NTM: variants seen among roughly 807,000 people sequenced by gnomAD.
NTM encodes the protein IgLON family member 2.
Under a neutral mutation model 42.1 loss-of-function variants are expected in NTM, and 13 were observed. That is an observed-to-expected ratio of 0.31 (90% CI 0.20 to 0.49). The LOEUF (loss-of-function observed/expected upper bound fraction) is 0.49. Ranked by LOEUF, NTM falls within the 20% of genes least tolerant of loss-of-function variation. The pLI is 0.99. For missense variants in NTM, 373 were observed against 452.8 expected (o/e 0.82, Z 1.60); for synonymous variants, 187 against 179.2 (o/e 1.04, Z -0.35).
chr11:132,280,456 A>G (rs1313721157), intron 4 of NTM, among the ~76,000 whole-genome samples: 1 of 140,886 alleles, frequency 7.1e-6, no homozygotes, highest in Non-Finnish European at 1.5e-5. Context: ...GCCTCACCAC[A>G]CTGTCCTGAT....
chr11:132,012,665 T>C (rs1382815287), intron 2 of NTM, among the ~76,000 whole-genome samples: 1 of 152,228 alleles, frequency 6.6e-6, no homozygotes, highest in African/African-American at 2.4e-5. Flanking sequence ...TTAATTCCTC[T>C]TCTCTTGATT....
At chr11:131,523,303 C>T (rs1445234296) in intron 1 of NTM, among the ~76,000 whole-genome samples, 3 of 152,192 alleles carry the variant, frequency 2.0e-5, no homozygotes, top group Admixed American at 6.5e-5. Flanking sequence ...TCGAGAATGG[C>T]TTCCCAAAAG....
chr11:132,139,199 A>G (rs1460782173), intron 2 of NTM, among the ~76,000 whole-genome samples: 1 of 152,194 alleles, frequency 6.6e-6, no homozygotes, highest in African/African-American at 2.4e-5. Flanking sequence ...TTGGTCACCT[A>G]GGGGAAAAAG....
chr11:131,795,696 C>T (rs1023464558), intron 1 of NTM: 1 of 985,236 alleles, frequency 1.0e-6, no homozygotes, highest in Non-Finnish European at 1.2e-6. Context: ...ATATTTACGG[C>T]ATTTTCTTTC....
At chr11:131,707,921 A>G (rs2076747478) in intron 1 of NTM, among the ~76,000 whole-genome samples, 2 of 152,162 alleles carry the variant, frequency 1.3e-5, no homozygotes, top group Non-Finnish European at 2.9e-5. Flanking sequence ...TAGACAGAGC[A>G]ATTAGGCAAG....
intron 1 of NTM, among the ~76,000 whole-genome samples, chr11:131,892,067 AG>A (rs1428157628): frequency 2.6e-5 from 4 of 152,128 alleles, no homozygotes; most frequent in African/African-American, 7.2e-5. Context: ...TTTGAAACCA[AG>A]GTCTTCCACA....
intron 4 of NTM, among the ~76,000 whole-genome samples, chr11:132,216,142 G>A (rs2083811864): frequency 6.6e-6 from 1 of 152,152 alleles, no homozygotes; most frequent in South Asian, 2.1e-4. Flanking sequence ...ATAGAAAAAC[G>A]TTCATGCTGT....
At position 131,967,181 on chromosome 11, in the gene NTM, T is replaced by C. The variant is rs1593249683; in HGVS notation, c.167+55533T>C. Reference sequence around the variant, plus strand: ...TATAAAAGAGGCTGGCACGGAAGAGTGATGTCTTGTAGGAGATTTACACTG... The same window carrying C: ...TATAAAAGAGGCTGGCACGGAAGAGCGATGTCTTGTAGGAGATTTACACTG... On this transcript the variant is annotated intron_variant, in intron 2 of 8. Coordinates refer to ENST00000683400, the MANE Select transcript of NTM (RefSeq NM_001352005.2). 2.6e-5 allele frequency among the ~76,000 whole-genome samples: 4 copies of C among 151,640 alleles called. 1 individual carries two copies. The South Asian group carries it at 8.4e-4, about 32-fold the overall frequency.
In NTM at chr11:131,648,130, T is replaced by G. The variant is rs371723081; in HGVS notation, c.83-263434T>G. On this transcript the variant is annotated intron_variant, in intron 1 of 8. Transcript: ENST00000683400. ...GGTATTTGGCTGTCTGTTCCTGCATTAGTTTGCTAAGGGTGATGGCCTCCA... is the reference window on the plus strand; with the variant it reads ...GGTATTTGGCTGTCTGTTCCTGCATGAGTTTGCTAAGGGTGATGGCCTCCA... Among the ~76,000 whole-genome samples the G allele has an allele frequency of 9.2e-5, 14 of 152,328 alleles. No homozygotes were observed. The South Asian group carries it at 2.7e-3, about 29-fold the overall frequency.
chr11:131,582,194 C>A (rs564759459), intron 1 of NTM: 1 of 152,292 alleles, frequency 6.6e-6, no homozygotes, highest in African/African-American at 2.4e-5. Context: ...CAAAGCTATA[C>A]TTCGATGGAG....
intron 2 of NTM, among the ~76,000 whole-genome samples, chr11:131,949,162 T>C (rs1171675519): frequency 6.6e-6 from 1 of 152,250 alleles, no homozygotes; most frequent in Non-Finnish European, 1.5e-5. Flanking sequence ...GCAGATTTCT[T>C]TCTCAGTTAA....
chr11:132,112,725 AC>A (rs2063383813), intron 2 of NTM, among the ~76,000 whole-genome samples: 1 of 133,578 alleles, frequency 7.5e-6, no homozygotes. Flanking sequence ...ACTTACACAC[AC>A]ACACACACAC....
rs1050948692 is a variant in NTM at position 131,448,189 on chromosome 11, G to T, written c.82+77301G>T. Among the ~76,000 whole-genome samples, 3 of 152,236 alleles carry T rather than the reference G, an allele frequency of 2.0e-5. No homozygotes were observed. The South Asian group carries it at 6.2e-4, about 31-fold the overall frequency. On this transcript the variant is annotated intron_variant, in intron 1 of 8. Transcript: ENST00000683400. ...AGGAAGGAGCTCAACAGACTGTCCT[G>T]CGCTGAAGCCGCTGCCTTTGTCCTC...
At chr11:132,317,077 A>C (rs1157767824) in intron 7 of NTM, among the ~76,000 whole-genome samples, 2 of 152,106 alleles carry the variant, frequency 1.3e-5, no homozygotes, top group African/African-American at 4.8e-5. Flanking sequence ...GGTGCAAGAG[A>C]CCATAGTCGG....
At chr11:131,468,735 G>C (rs1424411177) in intron 1 of NTM, among the ~76,000 whole-genome samples, 2 of 152,186 alleles carry the variant, frequency 1.3e-5, no homozygotes, top group Non-Finnish European at 2.9e-5. Flanking sequence ...GAGTGGGCAG[G>C]AGCAATTGCA....
At chr11:132,314,948 A>G (rs769259947) in intron 7 of NTM, 26 of 1,214,094 alleles carry the variant, frequency 2.1e-5, no homozygotes, top group Non-Finnish European at 2.5e-5. Context: ...TAGTATATGT[A>G]TAGTACATGT....
chr11:131,763,709 CTTTTTTT>C (rs557522093), intron 1 of NTM, among the ~76,000 whole-genome samples: 33 of 71,384 alleles, frequency 4.6e-4, no homozygotes, highest in African/African-American at 1.1e-3. Context: ...ATCTCTCTCT[CTTTTTTT>C]TTTTTTTTTT....
intron 4 of NTM, among the ~76,000 whole-genome samples, chr11:132,264,556 G>A (rs867341068): frequency 2.6e-5 from 4 of 151,924 alleles, no homozygotes; most frequent in Admixed American, 2.0e-4. Flanking sequence ...TTATCATCTC[G>A]TGTTTTGCTT....
chr11:131,388,352 T>C (rs1382255212), intron 1 of NTM, among the ~76,000 whole-genome samples: 2 of 151,700 alleles, frequency 1.3e-5, no homozygotes, highest in Non-Finnish European at 2.9e-5. Flanking sequence ...CAGATATATT[T>C]AAATTCCTGA....
Sources: allele counts gnomAD v4.1 joint callset (sites outside exome capture counted in the v4.1 genomes callset), GRCh38; gene constraint gnomAD v4.1.1; transcripts MANE v1.5; gene names NCBI Gene and HGNC (gene_info 2026-07-23, HGNC 2026-07-21).